Variants in PKP2 observed in about 807,000 individuals in gnomAD.
PKP2 encodes plakophilin-2.
PKP2 carries 73 observed loss-of-function variants against 83.4 expected under a neutral mutation model. That is an observed-to-expected ratio of 0.88 (90% CI 0.72 to 1.06). The LOEUF is 1.06. Among genes scored for constraint, PKP2 ranks in the 50% least tolerant of loss-of-function variants. The pLI, the probability that PKP2 is intolerant of heterozygous loss-of-function variation, is 0.00. For synonymous variants in PKP2, 409 were observed against 430.4 expected, an observed-to-expected ratio of 0.95 and a Z score of 0.62; for missense variants, 966 against 1,065.4, an observed-to-expected ratio of 0.91 and a Z score of 1.30.
intron 4 of PKP2, among the ~76,000 whole-genome samples, chr12:32,853,538 G>A (rs1956719700): frequency 7.2e-6 from 1 of 139,196 alleles, no homozygotes; most frequent in East Asian, 2.0e-4. Context: ...ACGGAGTCTC[G>A]CTCTGTCGCT....
chr12:32,873,108 G>A (rs1419509901), intron 3 of PKP2, among the ~76,000 whole-genome samples: 2 of 152,084 alleles, frequency 1.3e-5, no homozygotes, highest in African/African-American at 4.8e-5. Context: ...GGTTTTGTTT[G>A]TTTTGCTTTG....
At chr12:32,796,756 C>G (rs910930155) in intron 10 of PKP2, among the ~76,000 whole-genome samples, 18 of 152,204 alleles carry the variant, frequency 1.2e-4, no homozygotes, top group Admixed American at 4.6e-4. Flanking sequence ...GATGTAATTT[C>G]CCTAATAACA....
intron 4 of PKP2, among the ~76,000 whole-genome samples, chr12:32,860,946 T>G (rs1442935812): frequency 6.6e-6 from 1 of 152,072 alleles, no homozygotes; most frequent in Non-Finnish European, 1.5e-5. Context: ...GAGAATCACT[T>G]GAACTCGGGA....
intron 6 of PKP2, among the ~76,000 whole-genome samples, chr12:32,826,422 CT>C (rs1956443062): frequency 6.6e-6 from 1 of 151,926 alleles, no homozygotes; most frequent in Admixed American, 6.6e-5. Flanking sequence ...CAAAACCCGA[CT>C]GTTTTAACCC....
chr12:32,798,405 G>A (rs1345977072), intron 10 of PKP2, among the ~76,000 whole-genome samples: 1 of 151,596 alleles, frequency 6.6e-6, no homozygotes, highest in South Asian at 2.1e-4. Context: ...ATTTTAAAAA[G>A]AGAAATAAAC....
At chr12:32,841,501 C>G (rs942012779) in intron 5 of PKP2, among the ~76,000 whole-genome samples, 9 of 152,136 alleles carry the variant, frequency 5.9e-5, no homozygotes, top group African/African-American at 2.2e-4. Flanking sequence ...TGCTGTTTCT[C>G]CTAAAGGGCC....
intron 3 of PKP2, among the ~76,000 whole-genome samples, chr12:32,869,650 C>A (rs112653033): frequency 0.071 from 10,277 of 144,466 alleles, 1,214 homozygotes; most frequent in African/African-American, 0.25. Context: ...ATGATTCTTA[C>A]ATCTTATAAA....
chr12:32,811,787 A>G (rs1956279219), intron 9 of PKP2, among the ~76,000 whole-genome samples: 1 of 152,212 alleles, frequency 6.6e-6, no homozygotes, highest in South Asian at 2.1e-4. Context: ...ACTCCTGTCC[A>G]GTTTCTCCAA....
chr12:32,892,716 T>C lies in PKP2; in HGVS notation c.223+3793A>G, dbSNP rs895747712. Among the ~76,000 whole-genome samples, 5 of 148,772 alleles carry C rather than the reference T, an allele frequency of 3.4e-5. No homozygotes were observed. In the South Asian group the frequency reaches 8.4e-4, roughly 25 times the overall value. On this transcript the variant is annotated intron_variant, in intron 1 of 12. Transcript: ENST00000340811. ...GTTTTGTGGTGGATTTCCAAAGAGG[T>C]TGTAAATATAATTGCATTAGGAGAT...
At chr12:32,889,860 C>T (rs537360040) in intron 1 of PKP2, among the ~76,000 whole-genome samples, 7 of 151,790 alleles carry the variant, frequency 4.6e-5, no homozygotes, top group South Asian at 4.2e-4. Flanking sequence ...GCGGGTGGAT[C>T]GGTCAGGAGA....
At chr12:32,881,154 A>G (rs1013410912) in intron 1 of PKP2, among the ~76,000 whole-genome samples, 1 of 152,224 alleles carries the variant, frequency 6.6e-6, no homozygotes, top group African/African-American at 2.4e-5. Flanking sequence ...AATCCATCCT[A>G]AATTATGTTT....
Position 32,878,365 on chromosome 12 carries a change from C to T in PKP2, c.515G>A (p.Ser172Asn). The change falls in exon 3 of 13, where the codon AGC (serine) becomes AAC (asparagine). Residue 172 changes from serine (S) to asparagine (N), a missense_variant. Ser to Asn is a conservative substitution (Grantham distance 46). Coordinates refer to ENST00000340811, the MANE Select transcript of PKP2 (RefSeq NM_001005242.3). ...THSDYQYSQR[S>N]QAGHTLHHQE... ...GTGGTGCAGGGTGTGCCCAGCCTGG[C>T]TTCTCTGGCTGTACTGGTAATCGCT... 6.2e-7 allele frequency: 1 copy of T among 1,613,818 alleles called. No homozygotes were observed. Among genetic ancestry groups the T allele is most frequent in the Non-Finnish European group, 8.5e-7 (1 of 1,179,966 alleles).
intron 9 of PKP2, among the ~76,000 whole-genome samples, chr12:32,804,344 G>A (rs1391189794): frequency 2.0e-5 from 3 of 152,160 alleles, no homozygotes; most frequent in African/African-American, 7.2e-5. Flanking sequence ...TGTAGGATGT[G>A]TAGGTTTGTT....
chr12:32,874,001 C>T (rs1248549444), intron 3 of PKP2, among the ~76,000 whole-genome samples: 3 of 152,058 alleles, frequency 2.0e-5, no homozygotes, highest in African/African-American at 4.8e-5. Context: ...TTTAGAACAT[C>T]GGTTTCATCA....
chr12:32,864,497 T>C (rs957890452), intron 4 of PKP2, among the ~76,000 whole-genome samples: 4 of 151,900 alleles, frequency 2.6e-5, no homozygotes, highest in Non-Finnish European at 1.5e-5. Flanking sequence ...ACCTCTACAG[T>C]AAAAACTATA....
chr12:32,877,290 A>T (rs1422047809), intron 3 of PKP2, among the ~76,000 whole-genome samples: 1 of 152,202 alleles, frequency 6.6e-6, no homozygotes, highest in East Asian at 1.9e-4. Flanking sequence ...TGACTTAAAA[A>T]TTCAGTTATT....
chr12:32,849,005 TAAAA>T (rs397850139), intron 5 of PKP2, among the ~76,000 whole-genome samples: 1 of 122,994 alleles, frequency 8.1e-6, no homozygotes, highest in Non-Finnish European at 1.7e-5. Context: ...ATTACACAGT[TAAAA>T]AAAAAAAAAA....
intron 7 of PKP2, among the ~76,000 whole-genome samples, chr12:32,822,953 T>C (rs542323289): frequency 1.5e-4 from 23 of 152,296 alleles, no homozygotes; most frequent in Admixed American, 5.9e-4. Flanking sequence ...ATACTGTTTA[T>C]AGGGACCAAC....
At chr12:32,813,400 A>G (rs1956294352) in intron 9 of PKP2, among the ~76,000 whole-genome samples, 1 of 152,192 alleles carries the variant, frequency 6.6e-6, no homozygotes, top group South Asian at 2.1e-4. Flanking sequence ...CTTTAAACTG[A>G]GCCTGCTTAA....
Sources: gnomAD v4.1 joint callset for allele counts (sites outside exome capture counted in the v4.1 genomes callset) on GRCh38, gnomAD v4.1.1 for gene constraint, MANE v1.5 for transcripts, NCBI Gene and HGNC (gene_info 2026-07-23, HGNC 2026-07-21) for gene names.